The following ADGRF5 variants were observed in gnomAD, a reference collection of about 807,000 sequenced individuals.
ADGRF5 encodes the protein G-protein coupled receptor 116.
ADGRF5 carries 75 observed loss-of-function variants against 132.3 expected under a neutral mutation model. The ratio of observed to expected loss-of-function variants is 0.57; its 90% CI spans 0.47 to 0.69. The LOEUF (loss-of-function observed/expected upper bound fraction) is 0.69, where lower values mean the gene tolerates loss of function less well. ADGRF5 is among the 30% of genes least tolerant of loss of function. ADGRF5 has a pLI of 0.00. For missense variants in ADGRF5, 1,516 were observed against 1,630.6 expected (o/e 0.93, Z 1.21); for synonymous variants, 629 against 597.6 (o/e 1.05, Z -0.77).
intron 1 of ADGRF5, among the ~76,000 whole-genome samples, chr6:46,919,199 C>G (rs926275847): frequency 1.3e-5 from 2 of 152,178 alleles, no homozygotes; most frequent in African/African-American, 2.4e-5. Flanking sequence ...CATCAATTCT[C>G]TATTCCACAT....
intron 2 of ADGRF5, among the ~76,000 whole-genome samples, chr6:46,900,774 G>T (rs1231138419): frequency 6.6e-6 from 1 of 152,108 alleles, no homozygotes. Flanking sequence ...TCATAGGTTT[G>T]TTATGAGAAC....
Position 46,884,160 on chromosome 6 carries a change from G to T in ADGRF5, c.440C>A (p.Pro147Gln), listed in dbSNP as rs1405255660. The T allele has an allele frequency of 1.2e-6, 2 of 1,614,096 alleles. No homozygotes were observed. The highest frequency in any genetic ancestry group is 1.7e-6 in the Non-Finnish European group (2 of 1,179,948). The change falls in exon 5 of 21, where the codon CCA (proline) becomes CAA (glutamine). Residue 147 changes from proline (P) to glutamine (Q), a missense_variant. By Grantham distance (76) the Pro-to-Gln change is moderately conservative. This residue lies in a region of ADGRF5 where 945 missense variants were observed against 929.4 expected (regional missense o/e 1.02). Transcript: ENST00000283296. ...LICQERDVFLPGHHCSCLKEL... is the reference protein window; with the variant it reads ...LICQERDVFLQGHHCSCLKEL... ...TTTAAGGCAACTGCAATGGTGCCCT[G>T]GGAGGAAGACGTCACGCTCTTGACA...
intron 8 of ADGRF5, among the ~76,000 whole-genome samples, chr6:46,880,240 AG>A (rs1330967245): frequency 6.6e-6 from 1 of 152,194 alleles, no homozygotes; most frequent in Admixed American, 6.5e-5. Context: ...GCCACATGCC[AG>A]GGACAGGGTT....
At chr6:46,937,827 G>A (rs750425622) in intron 1 of ADGRF5, among the ~76,000 whole-genome samples, 1 of 152,160 alleles carries the variant, frequency 6.6e-6, no homozygotes, top group Non-Finnish European at 1.5e-5. Context: ...GTGACCAATG[G>A]TCAGAAATAA....
At chr6:46,864,929 A>G in intron 14 of ADGRF5, 113 bp downstream of exon 14, 1 of 728,836 alleles carries the variant, frequency 1.4e-6, no homozygotes, top group Non-Finnish European at 2.3e-6. Context: ...AGGGCCTACC[A>G]CAGTGAGGGT....
chr6:46,908,493 C>A lies in ADGRF5; in HGVS notation c.-24-1707G>T, dbSNP rs1052885519. Among the ~76,000 whole-genome samples the A allele has an allele frequency of 3.9e-5, 6 of 152,098 alleles. No individual in the cohort carries two copies. In the South Asian group the frequency reaches 1.2e-3, roughly 32 times the overall value. On this transcript the variant is annotated intron_variant, in intron 1 of 20. Transcript: ENST00000283296. ...ATGAGCCTCCCTTCGAATCTGATAACCAAGGAAGAACTCACATACTAGAAG... is the reference window on the plus strand; with the variant it reads ...ATGAGCCTCCCTTCGAATCTGATAAACAAGGAAGAACTCACATACTAGAAG...
chr6:46,950,839 ATTTGGCACT>A (rs1188696800), intron 1 of ADGRF5, among the ~76,000 whole-genome samples: 1 of 152,106 alleles, frequency 6.6e-6, no homozygotes, highest in Non-Finnish European at 1.5e-5. Flanking sequence ...AAAGGAACCT[ATTTGGCACT>A]TTAGATAATT....
In ADGRF5 at chr6:46,876,720, C is replaced by T. The variant is rs183953512; in HGVS notation, c.1240+1482G>A. On this transcript the variant is annotated intron_variant, in intron 10 of 20. Coordinates refer to ENST00000283296, the MANE Select transcript of ADGRF5 (RefSeq NM_001098518.2). Reference sequence around the variant, plus strand: ...TCGGGTTCAAGTGATTCTCCTGCCTCAGCCTCCCAAGTAGCTGGAACTACA... The same window carrying T: ...TCGGGTTCAAGTGATTCTCCTGCCTTAGCCTCCCAAGTAGCTGGAACTACA... Among the ~76,000 whole-genome samples the T allele has an allele frequency of 2.2e-3, 333 of 152,290 alleles. 1 individual carries two copies. The highest frequency in any genetic ancestry group is 3.7e-3 in the Non-Finnish European group (251 of 68,028).
chr6:46,899,577 A>C (rs1204931790), intron 3 of ADGRF5, among the ~76,000 whole-genome samples: 1 of 152,164 alleles, frequency 6.6e-6, no homozygotes, highest in African/African-American at 2.4e-5. Context: ...GAGTGGGAAA[A>C]TTGGAGTGGG....
intron 8 of ADGRF5, 135 bp downstream of exon 8, chr6:46,881,320 G>A (rs11760108): frequency 3.2e-5 from 22 of 689,858 alleles, no homozygotes; most frequent in Non-Finnish European, 5.1e-5. Flanking sequence ...GGCATAAGAG[G>A]AGGAGGTGGT....
At chr6:46,891,176 G>A (rs1773605835) in intron 3 of ADGRF5, among the ~76,000 whole-genome samples, 1 of 152,116 alleles carries the variant, frequency 6.6e-6, no homozygotes, top group African/African-American at 2.4e-5. Flanking sequence ...ATAGAATAAA[G>A]TGACTTTTAT....
At chr6:46,922,660 C>T (rs1053850993), upstream of ADGRF5, among the ~76,000 whole-genome samples, 1 of 152,202 alleles carries the variant, frequency 6.6e-6, no homozygotes, top group Admixed American at 6.5e-5. Context: ...GAGAACCCTT[C>T]CCAAGGTCAG....
intron 1 of ADGRF5, among the ~76,000 whole-genome samples, chr6:46,942,183 C>G (rs1486576144): frequency 6.6e-6 from 1 of 152,162 alleles, no homozygotes; most frequent in Admixed American, 6.5e-5. Flanking sequence ...ACCTCCTCCC[C>G]CTGTCAAAGC....
chr6:46,906,361 T>C (rs1275170394), intron 2 of ADGRF5, among the ~76,000 whole-genome samples: 1 of 152,178 alleles, frequency 6.6e-6, no homozygotes, highest in African/African-American at 2.4e-5. Context: ...GGCCTAGTGG[T>C]TGTAATTTAG....
intron 11 of ADGRF5, chr6:46,870,964 A>C (rs1052806967): frequency 4.0e-6 from 1 of 247,182 alleles, no homozygotes; most frequent in African/African-American, 2.3e-5. Context: ...CTGTAGATAT[A>C]TGATTATTAT....
chr6:46,904,850 A>G (rs891681599), intron 2 of ADGRF5, among the ~76,000 whole-genome samples: 1 of 152,136 alleles, frequency 6.6e-6, no homozygotes, highest in African/African-American at 2.4e-5. Flanking sequence ...CACTTTTCCA[A>G]TGGGAGTCTT....
At chr6:46,897,089 C>A (rs1702066254) in intron 3 of ADGRF5, among the ~76,000 whole-genome samples, 1 of 151,746 alleles carries the variant, frequency 6.6e-6, no homozygotes. Context: ...TACACACACA[C>A]ACACACACTC....
intron 20 of ADGRF5, among the ~76,000 whole-genome samples, chr6:46,855,483 T>C (rs1468128988): frequency 6.6e-6 from 1 of 152,186 alleles, no homozygotes. Flanking sequence ...GCATGCACAG[T>C]TCTATACGCT....
chr6:46,928,556 C>T (rs1777375716), intron 1 of ADGRF5, among the ~76,000 whole-genome samples: 1 of 152,122 alleles, frequency 6.6e-6, no homozygotes, highest in South Asian at 2.1e-4. Context: ...ACCTCTCTTC[C>T]CTTCTTCCCT....
Sources: allele counts gnomAD v4.1 joint callset (sites outside exome capture counted in the v4.1 genomes callset), GRCh38; gene constraint gnomAD v4.1.1; regional missense constraint gnomAD v4.1.1; transcripts MANE v1.5; gene names NCBI Gene and HGNC (gene_info 2026-07-23, HGNC 2026-07-21).